GALNT2: variants seen among roughly 807,000 people sequenced by gnomAD.
GALNT2 encodes UDP-GalNAc:polypeptide N-acetylgalactosaminyltransferase 2.
Under a neutral mutation model 81.4 loss-of-function variants are expected in GALNT2, and 31 were observed. The ratio of observed to expected loss-of-function variants is 0.38; its 90% CI spans 0.29 to 0.51. The LOEUF is 0.51. GALNT2 is among the 20% of genes least tolerant of loss of function. The pLI, the probability that GALNT2 is intolerant of heterozygous loss-of-function variation, is 0.87. For synonymous variants in GALNT2, 303 were observed against 287.4 expected (o/e 1.05, Z -0.55); for missense variants, 629 against 765.7 (o/e 0.82, Z 2.11).
Position 230,139,019 on chromosome 1 carries a change from C to T in GALNT2, c.127-39199C>T, listed in dbSNP as rs182054903. Among the ~76,000 whole-genome samples, 23 of 152,252 alleles carry T rather than the reference C, an allele frequency of 1.5e-4. No homozygotes were observed. The East Asian group carries it at 3.9e-3, about 26-fold the overall frequency. On this transcript the variant is annotated intron_variant, in intron 1 of 15. Transcript: ENST00000366672. The stretch of plus-strand genomic sequence containing the variant: ...CAGTAGGTCTCAGCCTCATTTTACC[C>T]TATTCAAGATGGAGTCACTCTGGTT...
chr1:230,168,642 C>G (rs1301935240), intron 1 of GALNT2, among the ~76,000 whole-genome samples: 1 of 152,170 alleles, frequency 6.6e-6, no homozygotes, highest in Non-Finnish European at 1.5e-5. Context: ...TAGTTGCTTT[C>G]CCTTTAGGTA....
rs1307519065 is a variant in GALNT2, at chr1:230,265,299, G to A, written c.1372G>A (p.Asp458Asn). The part of the protein sequence containing the change: ...GALQQGTNCL[D>N]TLGHFADGVV... Reference sequence around the variant, plus strand: ...CTTGCAGCAGGGAACTAACTGCCTCGACACTTTGGGACACTTTGCTGATGG... The same window carrying A: ...CTTGCAGCAGGGAACTAACTGCCTCAACACTTTGGGACACTTTGCTGATGG... Residue 458 changes from aspartate to asparagine, a missense_variant, in exon 14 of 16, where the codon GAC becomes AAC. Asp to Asn is a conservative substitution (Grantham distance 23). This residue lies in a region of GALNT2 where 207 missense variants were observed against 225.5 expected (regional missense o/e 0.92). Coordinates refer to ENST00000366672, the MANE Select transcript of GALNT2 (RefSeq NM_004481.5). 1.9e-6 allele frequency: 3 copies of A among 1,614,174 alleles called. No homozygotes were observed. The highest frequency in any genetic ancestry group is 1.3e-5 in the African/African-American group (1 of 75,032).
chr1:230,141,083 A>G lies in GALNT2; in HGVS notation c.127-37135A>G, dbSNP rs529692286. Among the ~76,000 whole-genome samples, 6 of 152,358 alleles carry G rather than the reference A, an allele frequency of 3.9e-5. No individual in the cohort carries two copies. In the East Asian group the frequency reaches 9.6e-4, roughly 24 times the overall value. On this transcript the variant is annotated intron_variant, in intron 1 of 15. Transcript: ENST00000366672. ...TCTGTAGGTAACCATGCTTAAAGAC[A>G]TTCTGTTTCTTCAAGGGGAATGTGA...
chr1:230,223,962 G>T (rs1664632140), intron 3 of GALNT2, among the ~76,000 whole-genome samples: 1 of 152,184 alleles, frequency 6.6e-6, no homozygotes, highest in Non-Finnish European at 1.5e-5. Context: ...TGCAAGAGTA[G>T]GGTAGGAAAG....
At chr1:230,133,449 CTTTTTT>C (rs71934973) in intron 1 of GALNT2, among the ~76,000 whole-genome samples, 1 of 140,330 alleles carries the variant, frequency 7.1e-6, no homozygotes, top group Non-Finnish European at 1.6e-5. Flanking sequence ...TTTCTTTTTT[CTTTTTT>C]TTTTTTTTTG....
chr1:230,159,356 T>C (rs1320401695), intron 1 of GALNT2, among the ~76,000 whole-genome samples: 3 of 151,584 alleles, frequency 2.0e-5, no homozygotes, highest in Non-Finnish European at 4.4e-5. Flanking sequence ...CTCCCCTGAG[T>C]TTATTAGAAG....
At chr1:230,270,608 G>GTTC (rs1301233644) in intron 14 of GALNT2, among the ~76,000 whole-genome samples, 1 of 152,210 alleles carries the variant, frequency 6.6e-6, no homozygotes, top group Admixed American at 6.5e-5. Context: ...CCCACTGTGC[G>GTTC]TGAGTCCTCT....
At chr1:230,261,253 A>G (rs1317673008) in intron 11 of GALNT2, among the ~76,000 whole-genome samples, 1 of 152,158 alleles carries the variant, frequency 6.6e-6, no homozygotes, top group African/African-American at 2.4e-5. Context: ...GGCATTATGG[A>G]TAATAGTCCA....
At chr1:230,209,787 G>C (rs1369632188) in intron 3 of GALNT2, among the ~76,000 whole-genome samples, 1 of 151,444 alleles carries the variant, frequency 6.6e-6, no homozygotes, top group African/African-American at 2.4e-5. Context: ...AGCCTGCACT[G>C]CACTTCAGCC....
intron 1 of GALNT2, among the ~76,000 whole-genome samples, chr1:230,118,268 G>C (rs1660908151): frequency 6.6e-6 from 1 of 152,208 alleles, no homozygotes; most frequent in Admixed American, 6.5e-5. Flanking sequence ...GGACATCTTG[G>C]TTGTTTCACA....
chr1:230,143,046 G>C (rs1030549192), intron 1 of GALNT2, among the ~76,000 whole-genome samples: 1 of 152,188 alleles, frequency 6.6e-6, no homozygotes, highest in Non-Finnish European at 1.5e-5. Context: ...GTGGGCTGGA[G>C]AGCTGCCCAA....
At chr1:230,136,676 A>G (rs1661555201) in intron 1 of GALNT2, among the ~76,000 whole-genome samples, 1 of 152,158 alleles carries the variant, frequency 6.6e-6, no homozygotes, top group Non-Finnish European at 1.5e-5. Flanking sequence ...TTCAGAAATA[A>G]CGGGGGCAAC....
intron 2 of GALNT2, among the ~76,000 whole-genome samples, chr1:230,184,508 G>T (rs1003877291): frequency 6.6e-6 from 1 of 151,844 alleles, no homozygotes; most frequent in Non-Finnish European, 1.5e-5. Flanking sequence ...ATCTTAAATG[G>T]TACAGAATTC....
chr1:230,212,807 A>C (rs1664272847), intron 3 of GALNT2, among the ~76,000 whole-genome samples: 1 of 152,188 alleles, frequency 6.6e-6, no homozygotes, highest in Admixed American at 6.5e-5. Context: ...TTCTGGTTTC[A>C]ACCACAGACC....
At chr1:230,227,856 G>A (rs1450805018) in intron 3 of GALNT2, among the ~76,000 whole-genome samples, 1 of 152,096 alleles carries the variant, frequency 6.6e-6, no homozygotes, top group Non-Finnish European at 1.5e-5. Flanking sequence ...TTTAAAAATT[G>A]TATATTGTGT....
intron 1 of GALNT2, among the ~76,000 whole-genome samples, chr1:230,105,358 G>A (rs1333597302): frequency 2.6e-5 from 4 of 152,206 alleles, no homozygotes; most frequent in African/African-American, 4.8e-5. Context: ...GGGCCCACTG[G>A]GGGCTCTTGT....
chr1:230,279,692 C>A lies in GALNT2; in HGVS notation c.*234C>A. The A allele has an allele frequency of 1.7e-6, 1 of 580,866 alleles. No homozygotes were observed. Among genetic ancestry groups the A allele is most frequent in the Non-Finnish European group, 3.1e-6 (1 of 325,048 alleles). 36.0% of individuals were successfully genotyped at this position (580,866 alleles called of 1,614,324 possible). On this transcript the variant is annotated 3_prime_UTR_variant, in exon 16 of 16. Coordinates refer to ENST00000366672, the MANE Select transcript of GALNT2 (RefSeq NM_004481.5). This position sits in a 1 kb window ranked among gnomAD's most constrained non-coding sequence, Gnocchi z 4.6. Reference sequence around the variant, plus strand: ...GTGCAGCCCAGCCGGGCCCCCTTCCCCAGGCCGGAGCGCCCCTCTTCCTTC... The same window carrying A: ...GTGCAGCCCAGCCGGGCCCCCTTCCACAGGCCGGAGCGCCCCTCTTCCTTC...
intron 1 of GALNT2, among the ~76,000 whole-genome samples, chr1:230,137,465 C>T (rs1438565997): frequency 6.6e-6 from 1 of 152,236 alleles, no homozygotes; most frequent in Non-Finnish European, 1.5e-5. Flanking sequence ...CCTGGCTTTG[C>T]TGAGAGGGTG....
chr1:230,068,234 G>A (rs895636507), intron 1 of GALNT2, among the ~76,000 whole-genome samples: 1 of 152,246 alleles, frequency 6.6e-6, no homozygotes, highest in African/African-American at 2.4e-5. Flanking sequence ...GCCGCTCTGC[G>A]GTTCCGCGTC....
Sources: allele counts gnomAD v4.1 joint callset (sites outside exome capture counted in the v4.1 genomes callset), GRCh38; gene constraint gnomAD v4.1.1; regional missense constraint gnomAD v4.1.1; non-coding constraint Gnocchi (gnomAD v3.1); transcripts MANE v1.5; gene names NCBI Gene and HGNC (gene_info 2026-07-23, HGNC 2026-07-21).